The following NECTIN1 variants were observed in gnomAD, a reference collection of about 807,000 sequenced individuals.
NECTIN1 encodes the protein nectin-1.
Under a neutral mutation model 48.0 loss-of-function variants are expected in NECTIN1, and 23 were observed. The observed-to-expected ratio is 0.48, with a 90% CI of 0.34 to 0.68. The LOEUF is 0.68. Among genes scored for constraint, NECTIN1 ranks in the 30% least tolerant of loss-of-function variants. NECTIN1 has a pLI of 0.01. For synonymous variants in NECTIN1, 270 were observed against 288.9 expected (o/e 0.93, Z 0.66); for missense variants, 591 against 709.9 (o/e 0.83, Z 1.90).
Position 119,661,719 on chromosome 11 carries a change from G to A in NECTIN1, c.*3028C>T. ...TGCCCAGGAAACAGGGCCCCTATAA[G>A]GCTCTCTTGCAGCCCGGGCACTGGG... On this transcript the variant is annotated 3_prime_UTR_variant, in exon 6 of 6. Transcript: ENST00000264025. The A allele has an allele frequency of 4.1e-6, 4 of 985,824 alleles. No homozygotes were observed. The highest frequency in any genetic ancestry group is 4.8e-6 in the Non-Finnish European group (4 of 829,954). The allele number at this position is 985,824 out of a possible 1,614,324, so 61.1% of individuals were successfully genotyped here. A position where few individuals can be genotyped will look rare whatever the true frequency, so the allele number is the denominator to read the frequency against.
At chr11:119,728,287 G>T (rs1477226777) in intron 1 of NECTIN1, among the ~76,000 whole-genome samples, 188 bp downstream of exon 1, 1 of 152,234 alleles carries the variant, frequency 6.6e-6, no homozygotes, top group Non-Finnish European at 1.5e-5. Flanking sequence ...CTGCTTCCCT[G>T]CAGGGCAGGC....
chr11:119,696,333 G>A (rs1260639872), intron 1 of NECTIN1, among the ~76,000 whole-genome samples: 6 of 152,200 alleles, frequency 3.9e-5, no homozygotes, highest in Non-Finnish European at 7.3e-5. Flanking sequence ...GTGAGGATGG[G>A]CAGCACCCTA....
At chr11:119,692,968 G>A (rs1865285053) in intron 1 of NECTIN1, among the ~76,000 whole-genome samples, 1 of 152,178 alleles carries the variant, frequency 6.6e-6, no homozygotes, top group Non-Finnish European at 1.5e-5. Flanking sequence ...GGGCTGCTGG[G>A]AGTGCCTTGT....
chr11:119,721,396 T>C (rs534452730), intron 1 of NECTIN1, among the ~76,000 whole-genome samples: 1 of 152,308 alleles, frequency 6.6e-6, no homozygotes, highest in South Asian at 2.1e-4. Flanking sequence ...AGTGGGACAT[T>C]CTGGTGCCCA....
Position 119,665,096 on chromosome 11 carries a change from T to G in NECTIN1, c.1205A>C (p.Lys402Thr). Reference sequence around the variant, plus strand: ...TGGGTGGTGCTGGGGGATGCCTGCCTTGCTGTAGCCGTTGCCATACACGTG... The same window carrying G: ...TGGGTGGTGCTGGGGGATGCCTGCCGTGCTGTAGCCGTTGCCATACACGTG... ...KKHVYGNGYS[K>T]AGIPQHHPPM... The change falls in exon 6 of 6, where the codon AAG becomes ACG. Residue 402 changes from lysine to threonine, a missense_variant. Coordinates refer to ENST00000264025, the MANE Select transcript of NECTIN1 (RefSeq NM_002855.5). The surrounding 1 kb of genome is among the most constrained non-coding windows in gnomAD (Gnocchi z 5.1). 1 of 1,614,060 alleles carries G rather than the reference T, an allele frequency of 6.2e-7. No homozygotes were observed. The highest frequency in any genetic ancestry group is 8.5e-7 in the Non-Finnish European group (1 of 1,179,994).
chr11:119,712,708 G>C (rs1259587453), intron 1 of NECTIN1, among the ~76,000 whole-genome samples: 2 of 152,126 alleles, frequency 1.3e-5, no homozygotes, highest in African/African-American at 4.8e-5. Context: ...CAGAAACCCA[G>C]AAAACAGCCT....
chr11:119,729,059 C>A lies in NECTIN1; in HGVS notation c.-506G>T. On this transcript the variant is annotated 5_prime_UTR_variant, in exon 1 of 6. Coordinates refer to ENST00000264025, the MANE Select transcript of NECTIN1 (RefSeq NM_002855.5). ...GGCGGCGGGCGCGGGGCTCGGCGGT[C>A]GGCGGCCCGGGTGGCTCTGGCTGCG... 2.0e-5 allele frequency: 3 copies of A among 150,672 alleles called. No homozygotes were observed. The South Asian group carries it at 5.4e-4, about 27-fold the overall frequency. 9.3% of individuals were successfully genotyped at this position (150,672 alleles called of 1,614,324 possible).
chr11:119,671,163 C>T (rs559500830), intron 5 of NECTIN1, among the ~76,000 whole-genome samples: 63 of 151,670 alleles, frequency 4.2e-4, no homozygotes, highest in African/African-American at 8.9e-4. Context: ...GGCTGTCTGG[C>T]GTGGAGTGGA....
In NECTIN1 at chr11:119,664,043, A is replaced by T; in HGVS notation, c.*704T>A. ...CTAATGGAGGGGGCACATTGGGGAT[A>T]AAGAGGGGACGCGTCAGAGCTAGGC... is the stretch of plus-strand genomic sequence containing the variant. On this transcript the variant is annotated 3_prime_UTR_variant, in exon 6 of 6. Coordinates refer to ENST00000264025, the MANE Select transcript of NECTIN1 (RefSeq NM_002855.5). 1 of 985,722 alleles carries T rather than the reference A, an allele frequency of 1.0e-6. No individual in the cohort carries two copies. The highest frequency in any genetic ancestry group is 4.7e-5 in the South Asian group (1 of 21,282). The allele number at this position is 985,722 out of a possible 1,614,324, so 61.1% of individuals were successfully genotyped here.
intron 5 of NECTIN1, chr11:119,674,608 C>T: frequency 6.2e-7 from 1 of 1,614,234 alleles, no homozygotes; most frequent in South Asian, 1.1e-5. Flanking sequence ...CATCCTAGCT[C>T]TTGTCCTCCC....
intron 1 of NECTIN1, among the ~76,000 whole-genome samples, chr11:119,724,700 C>G (rs1170518417): frequency 6.6e-6 from 1 of 152,236 alleles, no homozygotes; most frequent in African/African-American, 2.4e-5. Context: ...CCCACAGACA[C>G]AAGCACATAC....
At chr11:119,696,697 AAGGGTGGGTTCCCC>A (rs1865346249) in intron 1 of NECTIN1, among the ~76,000 whole-genome samples, 1 of 152,120 alleles carries the variant, frequency 6.6e-6, no homozygotes, top group Non-Finnish European at 1.5e-5. Flanking sequence ...GGAACCAGGA[AAGGGTGGGTTCCCC>A]AGGGTGGGAA....
Position 119,707,482 on chromosome 11 carries a change from C to T in NECTIN1, c.79+20993G>A, listed in dbSNP as rs189315876. ...ACCCCATCTCTCATGCTAGTGACCA[C>T]CATGACACTCCACAAGGCTGTCGAA... On this transcript the variant is annotated intron_variant, in intron 1 of 5. Transcript: ENST00000264025. Among the ~76,000 whole-genome samples, 6 of 152,242 alleles carry T rather than the reference C, an allele frequency of 3.9e-5. No individual in the cohort carries two copies. In the East Asian group the frequency reaches 1.2e-3, roughly 29 times the overall value.
chr11:119,692,481 G>A (rs141399227), intron 1 of NECTIN1, among the ~76,000 whole-genome samples: 5 of 152,196 alleles, frequency 3.3e-5, no homozygotes, highest in Middle Eastern at 3.4e-3. Flanking sequence ...GCCTCCTTTC[G>A]GCCACCCCAA....
rs183372919 is a variant in NECTIN1 at position 119,651,831 on chromosome 11, G to C, written c.1004-11819C>G. 1.9e-3 allele frequency among the ~76,000 whole-genome samples: 286 copies of C among 152,248 alleles called. 3 individuals carry two copies. Among genetic ancestry groups the C allele is most frequent in the African/African-American group, 6.1e-3 (252 of 41,538 alleles). ...GAGCTCTGGGGCGGACCTGCTACCT[G>C]GCCCTGCTGCTTTGTCTTCAGGAGC... On this transcript the variant is annotated intron_variant, in intron 5 of 7. Transcript: ENST00000341398.
chr11:119,650,703 T>TCA (rs1224585037), intron 5 of NECTIN1, among the ~76,000 whole-genome samples: 2 of 152,190 alleles, frequency 1.3e-5, no homozygotes, highest in Non-Finnish European at 2.9e-5. Flanking sequence ...GCCCAGCTCC[T>TCA]CAGTGGCTAA....
chr11:119,724,890 A>G (rs1041519348), intron 1 of NECTIN1, among the ~76,000 whole-genome samples: 5 of 152,268 alleles, frequency 3.3e-5, no homozygotes, highest in African/African-American at 1.2e-4. Flanking sequence ...TGACCATTTT[A>G]GCCTGGCACA....
chr11:119,685,072 T>C (rs765372748), intron 1 of NECTIN1, among the ~76,000 whole-genome samples: 5 of 152,234 alleles, frequency 3.3e-5, no homozygotes, highest in Non-Finnish European at 7.3e-5. Flanking sequence ...GCGCACAGTC[T>C]GGACTTGAGT....
At position 119,662,810 on chromosome 11, in the gene NECTIN1, C is replaced by G; in HGVS notation, c.*1937G>C. On this transcript the variant is annotated 3_prime_UTR_variant, in exon 6 of 6. Transcript: ENST00000264025. The surrounding 1 kb of genome is among the most constrained non-coding windows in gnomAD (Gnocchi z 5.3). ...GGCTGGAAAGACTCCACAATTTTCT[C>G]CCCTAACTTCACCCTATCCAGTACC... The G allele has an allele frequency of 1.0e-6, 1 of 986,352 alleles. No individual in the cohort carries two copies. Among genetic ancestry groups the G allele is most frequent in the Non-Finnish European group, 1.2e-6 (1 of 830,370 alleles). 61.1% of individuals were successfully genotyped at this position (986,352 alleles called of 1,614,324 possible). A position where few individuals can be genotyped will look rare whatever the true frequency, so the allele number is the denominator to read the frequency against.
Sources: gnomAD v4.1 joint callset for allele counts (sites outside exome capture counted in the v4.1 genomes callset) on GRCh38, gnomAD v4.1.1 for gene constraint, Gnocchi (gnomAD v3.1) non-coding constraint, MANE v1.5 for transcripts, NCBI Gene and HGNC (gene_info 2026-07-23, HGNC 2026-07-21) for gene names.